DDAH1: variants seen among roughly 807,000 people sequenced by gnomAD.
DDAH1 encodes the protein N(G),N(G)-dimethylarginine dimethylaminohydrolase 1.
In DDAH1, 19 loss-of-function variants were observed where a neutral mutation model predicts 28.8. That is an observed-to-expected ratio of 0.66 (90% CI 0.46 to 0.97). The LOEUF is 0.97. Among genes scored for constraint, DDAH1 ranks in the 50% least tolerant of loss-of-function variants. The probability of loss-of-function intolerance (pLI) is 0.00; values close to 1 mark genes in which losing one functional copy is unlikely to be tolerated. For synonymous variants in DDAH1, 153 were observed against 154.4 expected (o/e 0.99, Z 0.07); for missense variants, 326 against 375.9 (o/e 0.87, Z 1.10).
intron 4 of DDAH1, among the ~76,000 whole-genome samples, chr1:85,326,862 G>A (rs890542341): frequency 6.6e-6 from 1 of 151,914 alleles, no homozygotes; most frequent in African/African-American, 2.4e-5. Context: ...CCAACATGTG[G>A]GCAATTAAGA....
intron 4 of DDAH1, among the ~76,000 whole-genome samples, chr1:85,331,423 G>GTATGTATATGTATATATATATATA (rs111876317): frequency 4.5e-4 from 67 of 148,556 alleles, no homozygotes; most frequent in East Asian, 9.8e-4. Context: ...ATTCATATAT[G>GTATGTATATGTATATATATATATA]TATATATATA....
chr1:85,375,613 C>T (rs1280778141), intron 1 of DDAH1, among the ~76,000 whole-genome samples: 6 of 152,070 alleles, frequency 3.9e-5, no homozygotes, highest in African/African-American at 1.2e-4. Flanking sequence ...ATCACATCAG[C>T]CATACAGTTG....
intron 4 of DDAH1, among the ~76,000 whole-genome samples, chr1:85,328,796 C>G (rs1237539253): frequency 6.6e-6 from 1 of 152,196 alleles, no homozygotes; most frequent in Non-Finnish European, 1.5e-5. Context: ...TCTAGAAAAT[C>G]TATTACTCAC....
intron 2 of DDAH1, among the ~76,000 whole-genome samples, chr1:85,473,885 C>T (rs1655706617): frequency 6.6e-6 from 1 of 152,184 alleles, no homozygotes; most frequent in African/African-American, 2.4e-5. Flanking sequence ...ACTTCAAATA[C>T]ACCCCAGTGC....
At chr1:85,329,883 G>C (rs142250153) in intron 4 of DDAH1, among the ~76,000 whole-genome samples, 2 of 152,302 alleles carry the variant, frequency 1.3e-5, no homozygotes, top group East Asian at 3.9e-4. Flanking sequence ...CTAAATAAAA[G>C]GGATGTATGA....
At chr1:85,370,609 G>GA (rs34652073) in intron 1 of DDAH1, among the ~76,000 whole-genome samples, 120,064 of 152,058 alleles carry the variant, frequency 0.79, 47,624 homozygotes, top group Admixed American at 0.85. Context: ...CCAGGTGAAA[G>GA]AAATGGTGGT....
chr1:85,391,052 T>A (rs982078039), intron 1 of DDAH1, among the ~76,000 whole-genome samples: 1 of 152,196 alleles, frequency 6.6e-6, no homozygotes, highest in South Asian at 2.1e-4. Flanking sequence ...AAAAAATTCA[T>A]TGCAAAGAGC....
At chr1:85,387,789 G>A (rs1651353518) in intron 1 of DDAH1, among the ~76,000 whole-genome samples, 1 of 152,150 alleles carries the variant, frequency 6.6e-6, no homozygotes. Context: ...TGGAGGCTGG[G>A]TAATTTATAA....
chr1:85,563,825 G>A (rs1659207747), intron 1 of DDAH1, among the ~76,000 whole-genome samples: 1 of 152,232 alleles, frequency 6.6e-6, no homozygotes, highest in Non-Finnish European at 1.5e-5. Flanking sequence ...AGCATGCTAA[G>A]TAGCAACATG....
chr1:85,416,068 A>G (rs1652872261), intron 1 of DDAH1, among the ~76,000 whole-genome samples: 1 of 152,198 alleles, frequency 6.6e-6, no homozygotes, highest in African/African-American at 2.4e-5. Flanking sequence ...TTAATTTATT[A>G]ATACTGATGC....
At position 85,432,099 on chromosome 1, in the gene DDAH1, G is replaced by C. The variant is rs116765906; in HGVS notation, c.303+32644C>G. 9.1e-3 allele frequency among the ~76,000 whole-genome samples: 1,381 copies of C among 152,302 alleles called. 21 individuals are homozygous for C. The highest frequency in any genetic ancestry group is 0.032 in the African/African-American group (1,323 of 41,572). On this transcript the variant is annotated intron_variant, in intron 1 of 5. Coordinates refer to ENST00000284031, the MANE Select transcript of DDAH1 (RefSeq NM_012137.4). ...TGCAGAGTTAGAAAGTTGTGAAAGG[G>C]CTATGTAGAATGTACTCCCTCTTTA...
intron 4 of DDAH1, among the ~76,000 whole-genome samples, chr1:85,339,020 CTG>C (rs1648303398): frequency 6.8e-6 from 1 of 148,066 alleles, no homozygotes; most frequent in Non-Finnish European, 1.5e-5. Flanking sequence ...GTACTCCAGC[CTG>C]GGAGACAGAG....
At chr1:85,570,458 C>T (rs951133198) in intron 1 of DDAH1, among the ~76,000 whole-genome samples, 1 of 151,970 alleles carries the variant, frequency 6.6e-6, no homozygotes, top group African/African-American at 2.4e-5. Context: ...TCAAAGCAGT[C>T]TTCCAGGTTA....
chr1:85,519,585 AAAG>A lies in DDAH1; in HGVS notation c.-122-23307_-122-23305del, dbSNP rs1237196672. On this transcript the variant is annotated intron_variant, in intron 1 of 6. Coordinates refer to the DDAH1 transcript ENST00000426972. ...TAAAATGATTACTTACACGGACAAA[AAAG>A]AAGAAGAAAAGCATGAAAAATTTCA... is the stretch of plus-strand genomic sequence containing the variant. Among the ~76,000 whole-genome samples, 6 of 152,192 alleles carry A rather than the reference AAAG, an allele frequency of 3.9e-5. 1 individual carries two copies. Among genetic ancestry groups the A allele is most frequent in the East Asian group, 1.9e-4 (1 of 5,202 alleles).
chr1:85,510,676 C>CA (rs1042959156), intron 1 of DDAH1, among the ~76,000 whole-genome samples: 120 of 150,978 alleles, frequency 7.9e-4, no homozygotes, highest in African/African-American at 2.8e-3. Flanking sequence ...AAATGGAAAG[C>CA]AAAAAAAAGC....
intron 1 of DDAH1, among the ~76,000 whole-genome samples, chr1:85,452,044 C>T (rs1185939318): frequency 6.6e-6 from 1 of 152,168 alleles, no homozygotes; most frequent in Non-Finnish European, 1.5e-5. Context: ...GAGCCTGAGA[C>T]TTTCCACCTA....
At chr1:85,373,580 A>C (rs561225357) in intron 1 of DDAH1, among the ~76,000 whole-genome samples, 11 of 152,224 alleles carry the variant, frequency 7.2e-5, no homozygotes, top group African/African-American at 2.2e-4. Context: ...TGAAGAAGAT[A>C]CTTGCTTCTC....
At chr1:85,507,190 TAAACA>T (rs1279999269) in intron 1 of DDAH1, among the ~76,000 whole-genome samples, 2 of 152,062 alleles carry the variant, frequency 1.3e-5, no homozygotes, top group Non-Finnish European at 2.9e-5. Flanking sequence ...ACCTCACACC[TAAACA>T]TTAACACCTA....
chr1:85,405,759 C>T (rs912126484), intron 1 of DDAH1, among the ~76,000 whole-genome samples: 10 of 152,152 alleles, frequency 6.6e-5, no homozygotes, highest in African/African-American at 2.4e-4. Context: ...GAGACAAGAA[C>T]CCAAGAATCA....
Sources: gnomAD v4.1 joint callset for allele counts (sites outside exome capture counted in the v4.1 genomes callset) on GRCh38, gnomAD v4.1.1 for gene constraint, MANE v1.5 for transcripts, NCBI Gene and HGNC (gene_info 2026-07-23, HGNC 2026-07-21) for gene names.